Variants in SLC45A4 observed in about 807,000 individuals in gnomAD.
The protein encoded by SLC45A4 is polyamine-transporter SLC45A4.
A neutral mutation model predicts 63.7 loss-of-function variants in SLC45A4; 32 were observed. The ratio of observed to expected loss-of-function variants is 0.50; its 90% CI spans 0.38 to 0.67. The LOEUF (loss-of-function observed/expected upper bound fraction) is 0.67, where lower values mean the gene tolerates loss of function less well. Ranked by LOEUF, SLC45A4 falls within the 30% of genes least tolerant of loss-of-function variation. SLC45A4 has a pLI of 0.00. For missense variants in SLC45A4, 1,027 were observed against 1,157.7 expected (o/e 0.89, Z 1.64); for synonymous variants, 535 against 510.0 (o/e 1.05, Z -0.66).
intron 2 of SLC45A4, among the ~76,000 whole-genome samples, chr8:141,245,679 C>T (rs1317336859): frequency 9.9e-5 from 15 of 152,192 alleles, no homozygotes. Flanking sequence ...ATGGGACTCA[C>T]AGACCCTCAG....
rs1010660709 is a variant in SLC45A4, at chr8:141,229,967, C to G, written c.242-8202G>C. 6.9e-6 allele frequency: 3 copies of G among 434,346 alleles called. No homozygotes were observed. The highest frequency in any genetic ancestry group is 1.4e-5 in the Non-Finnish European group (3 of 215,092). 26.9% of individuals were successfully genotyped at this position (434,346 alleles called of 1,614,324 possible). Reference sequence around the variant, plus strand: ...GACACTAGATCCCTGCCTGCACTCCCGAGGCCGTGGTGCTCTGATGACATC... The same window carrying G: ...GACACTAGATCCCTGCCTGCACTCCGGAGGCCGTGGTGCTCTGATGACATC... On this transcript the variant is annotated intron_variant, in intron 2 of 8. Coordinates refer to ENST00000517878, the MANE Select transcript of SLC45A4 (RefSeq NM_001286646.2). The surrounding 1 kb of genome is among the most constrained non-coding windows in gnomAD (Gnocchi z 5.0).
rs915758456 is a variant in SLC45A4, at chr8:141,208,768, G to A, written c.*2804C>T. On this transcript the variant is annotated 3_prime_UTR_variant, in exon 9 of 9. Coordinates refer to ENST00000517878, the MANE Select transcript of SLC45A4 (RefSeq NM_001286646.2). ...CAGGCCGGCCCAGCTGAGAGCTCAC[G>A]GCCTCTGCCCCTTCCCGCCAGCTCG... is the stretch of plus-strand genomic sequence containing the variant. 1.3e-5 allele frequency: 2 copies of A among 152,234 alleles called. No individual in the cohort carries two copies. The highest frequency in any genetic ancestry group is 6.5e-5 in the Admixed American group (1 of 15,284). The allele number at this position is 152,234 out of a possible 1,614,324, so 9.4% of individuals were successfully genotyped here.
Position 141,221,562 on chromosome 8 carries a change from G to A in SLC45A4, c.430+15C>T, listed in dbSNP as rs756372407. ...TCTGTGTTGTGAGGACACCAGGTGT[G>A]GCCGAGAAACTTACCGATGGCAGAG... is the stretch of plus-strand genomic sequence containing the variant. On this transcript the variant is annotated intron_variant, in intron 3 of 8. Transcript: ENST00000517878. 6 of 1,608,856 alleles carry A rather than the reference G, an allele frequency of 3.7e-6. No homozygotes were observed. Among genetic ancestry groups the A allele is most frequent in the East Asian group, 2.2e-5 (1 of 44,854 alleles).
intron 1 of SLC45A4, among the ~76,000 whole-genome samples, chr8:141,299,059 T>C (rs1048412461): frequency 6.6e-6 from 1 of 152,188 alleles, no homozygotes; most frequent in Non-Finnish European, 1.5e-5. Context: ...GATGCCGCAC[T>C]GTCTAGCAGC....
rs750785665 is a variant in SLC45A4 at position 141,215,839 on chromosome 8, T to C, written c.1861A>G (p.Ile621Val). Reference protein sequence around the residue: ...FPNVYVAMVTISTMGIVSMSI... With the variant: ...FPNVYVAMVTVSTMGIVSMSI... ...ATGGAGACGATGCCCATGGTGCTGA[T>C]GGTGACCATGGCGACGTAGACGTTG... Residue 621 changes from isoleucine (I) to valine (V), a missense_variant, in exon 7 of 9, where the codon ATC (isoleucine) becomes GTC (valine). Ile to Val is a conservative substitution (Grantham distance 29). Coordinates refer to ENST00000517878, the MANE Select transcript of SLC45A4 (RefSeq NM_001286646.2). This position sits in a 1 kb window ranked among gnomAD's most constrained non-coding sequence, Gnocchi z 4.3. The C allele has an allele frequency of 1.9e-6, 3 of 1,614,000 alleles. No homozygotes were observed. Among genetic ancestry groups the C allele is most frequent in the African/African-American group, 1.3e-5 (1 of 74,906 alleles).
chr8:141,255,916 C>T (rs567294184), intron 1 of SLC45A4, among the ~76,000 whole-genome samples: 190 of 152,108 alleles, frequency 1.2e-3, no homozygotes, highest in Non-Finnish European at 1.6e-3. Context: ...TAGACCTTTT[C>T]TCCAGAAAAA....
At chr8:141,239,574 G>GCACA (rs56366558) in intron 2 of SLC45A4, among the ~76,000 whole-genome samples, 19 of 144,388 alleles carry the variant, frequency 1.3e-4, no homozygotes, top group Non-Finnish European at 2.0e-4. Context: ...CAGGAGCAAA[G>GCACA]CACACACACA....
At chr8:141,240,663 T>G (rs1285856232) in intron 2 of SLC45A4, among the ~76,000 whole-genome samples, 9 of 152,196 alleles carry the variant, frequency 5.9e-5, no homozygotes, top group African/African-American at 2.2e-4. Flanking sequence ...CACTTGAGCC[T>G]GGCAGGTAGA....
At chr8:141,255,991 C>T (rs1255452996) in intron 1 of SLC45A4, among the ~76,000 whole-genome samples, 1 of 152,142 alleles carries the variant, frequency 6.6e-6, no homozygotes, top group Non-Finnish European at 1.5e-5. Flanking sequence ...AACCCACACG[C>T]AGCTTTCCCA....
rs78222500 is a variant in SLC45A4, at chr8:141,244,968, G to C, written c.241+9021C>G. On this transcript the variant is annotated intron_variant, in intron 2 of 8. Coordinates refer to ENST00000517878, the MANE Select transcript of SLC45A4 (RefSeq NM_001286646.2). ...CAAGAAGACGTGGGTGGGGGGGGGG[G>C]GCGGTGTGGAGGTGGAGGCTGGGCT... Among the ~76,000 whole-genome samples the C allele has an allele frequency of 4.1e-3, 292 of 71,570 alleles. 1 individual carries two copies. Among genetic ancestry groups the C allele is most frequent in the Middle Eastern group, 0.016 (2 of 122 alleles). 47.0% of individuals were successfully genotyped at this position (71,570 alleles called of 152,430 possible). A position where few individuals can be genotyped will look rare whatever the true frequency, so the allele number is the denominator to read the frequency against.
intron 1 of SLC45A4, among the ~76,000 whole-genome samples, chr8:141,296,564 G>A (rs1830560069): frequency 6.7e-6 from 1 of 149,364 alleles, no homozygotes; most frequent in Non-Finnish European, 1.5e-5. Context: ...GGCCAGGCGT[G>A]GTGGCTCACG....
rs760119060 is a variant in SLC45A4, at chr8:141,212,254, G to C, written c.2244C>G (p.Thr748=). ...GRAGGNSEKP[T]VLKLTRKEGL... is the part of the protein sequence containing the mutation. Reference sequence around the variant, plus strand: ...CCTCCTTCCGCGTGAGCTTCAGCACGGTGGGCTTTTCGCTGTTCCCACCGG... The same window carrying C: ...CCTCCTTCCGCGTGAGCTTCAGCACCGTGGGCTTTTCGCTGTTCCCACCGG... The change falls in exon 8 of 9, where the codon ACC becomes ACG. Residue 748 remains threonine, a synonymous_variant. Coordinates refer to ENST00000517878, the MANE Select transcript of SLC45A4 (RefSeq NM_001286646.2). The C allele has an allele frequency of 1.9e-6, 3 of 1,584,124 alleles. No homozygotes were observed. The South Asian group carries it at 3.5e-5, about 18-fold the overall frequency.
intron 1 of SLC45A4, among the ~76,000 whole-genome samples, chr8:141,305,775 C>A (rs1422499421): frequency 6.6e-6 from 1 of 151,922 alleles, no homozygotes; most frequent in Non-Finnish European, 1.5e-5. Flanking sequence ...CGAACCCCTG[C>A]GCTGCACTCC....
intron 2 of SLC45A4, among the ~76,000 whole-genome samples, chr8:141,243,541 A>G (rs569790706): frequency 2.2e-4 from 34 of 152,240 alleles, no homozygotes; most frequent in African/African-American, 7.7e-4. Flanking sequence ...GCACTTTGGG[A>G]GGCTGAGGCA....
chr8:141,258,341 G>A (rs563501041), intron 1 of SLC45A4, among the ~76,000 whole-genome samples: 1 of 152,358 alleles, frequency 6.6e-6, no homozygotes, highest in Non-Finnish European at 1.5e-5. Context: ...GGCCAGGAGT[G>A]TAGGTGGCAA....
intron 1 of SLC45A4, among the ~76,000 whole-genome samples, chr8:141,267,479 G>T (rs1238422842): frequency 6.6e-6 from 1 of 152,224 alleles, no homozygotes; most frequent in Non-Finnish European, 1.5e-5. Flanking sequence ...CCAGGGAATT[G>T]CATTTTTGAG....
At chr8:141,212,736 G>T (rs1390126242) in intron 7 of SLC45A4, among the ~76,000 whole-genome samples, 180 bp from the exon 8 acceptor site, 1 of 152,208 alleles carries the variant, frequency 6.6e-6, no homozygotes, top group Non-Finnish European at 1.5e-5. Context: ...CACTGTACAG[G>T]CGGAAGAGGT....
chr8:141,230,468 C>A, intron 2 of SLC45A4: 1 of 198,108 alleles, frequency 5.0e-6, no homozygotes, highest in South Asian at 6.8e-5. Context: ...AACAGCTGTG[C>A]CGGAGAGGGG....
intron 1 of SLC45A4, among the ~76,000 whole-genome samples, chr8:141,279,866 AT>A (rs1481400083): frequency 6.6e-6 from 1 of 152,266 alleles, no homozygotes; most frequent in Non-Finnish European, 1.5e-5. Context: ...TCTTTCAAAG[AT>A]TAATAAAGTT....
Sources: gnomAD v4.1 joint callset for allele counts (sites outside exome capture counted in the v4.1 genomes callset) on GRCh38, gnomAD v4.1.1 for gene constraint, Gnocchi (gnomAD v3.1) non-coding constraint, MANE v1.5 for transcripts, NCBI Gene and HGNC (gene_info 2026-07-23, HGNC 2026-07-21) for gene names.